The following FBXL17 variants were observed in gnomAD, a reference collection of about 807,000 sequenced individuals.
FBXL17 encodes the protein F-box/LRR-repeat protein 17.
A neutral mutation model predicts 66.2 loss-of-function variants in FBXL17; 22 were observed. The ratio of observed to expected loss-of-function variants is 0.33; its 90% CI spans 0.24 to 0.47. FBXL17 has a LOEUF of 0.47. Ranked by LOEUF, FBXL17 falls within the 20% of genes least tolerant of loss-of-function variation. FBXL17 has a pLI of 1.00. For missense variants in FBXL17, 878 were observed against 948.2 expected (o/e 0.93, Z 0.97); for synonymous variants, 474 against 400.5 (o/e 1.18, Z -2.19).
intron 5 of FBXL17, among the ~76,000 whole-genome samples, chr5:108,192,576 T>C (rs1753510009): frequency 6.6e-6 from 1 of 151,968 alleles, no homozygotes; most frequent in Non-Finnish European, 1.5e-5. Context: ...AGACCTCAAA[T>C]GGGTCAGGAG....
At chr5:108,055,320 C>T (rs867395999) in intron 6 of FBXL17, among the ~76,000 whole-genome samples, 10 of 77,970 alleles carry the variant, frequency 1.3e-4, no homozygotes, top group South Asian at 4.0e-4. Flanking sequence ...AAAAGAAAAA[C>T]GCTTCAGGCC....
At chr5:107,906,010 C>A (rs1466176342) in intron 7 of FBXL17, among the ~76,000 whole-genome samples, 1 of 151,324 alleles carries the variant, frequency 6.6e-6, no homozygotes, top group Non-Finnish European at 1.5e-5. Context: ...TAATATTATG[C>A]CCAAAGAAAC....
intron 6 of FBXL17, among the ~76,000 whole-genome samples, chr5:108,176,682 T>A (rs1297867678): frequency 6.6e-6 from 1 of 152,100 alleles, no homozygotes; most frequent in Non-Finnish European, 1.5e-5. Flanking sequence ...TTAAAGTGAT[T>A]TTACTAGGTT....
intron 7 of FBXL17, among the ~76,000 whole-genome samples, chr5:107,899,011 T>C (rs1749478935): frequency 6.6e-6 from 1 of 152,194 alleles, no homozygotes; most frequent in Non-Finnish European, 1.5e-5. Context: ...AAGTGGTATT[T>C]CTGGTTCTAG....
At chr5:107,948,861 A>G (rs1056310928) in intron 7 of FBXL17, among the ~76,000 whole-genome samples, 1 of 152,226 alleles carries the variant, frequency 6.6e-6, no homozygotes, top group Non-Finnish European at 1.5e-5. Flanking sequence ...CAAGCGCTCA[A>G]TGAGTGTTAA....
intron 7 of FBXL17, among the ~76,000 whole-genome samples, chr5:108,009,927 C>T (rs564629288): frequency 9.1e-4 from 139 of 152,204 alleles, no homozygotes; most frequent in African/African-American, 3.2e-3. Context: ...AGGCTGGCAC[C>T]TTCTACCTCG....
chr5:108,122,613 C>T (rs1467520256), intron 6 of FBXL17, among the ~76,000 whole-genome samples: 1 of 152,012 alleles, frequency 6.6e-6, no homozygotes, highest in East Asian at 1.9e-4. Flanking sequence ...AATTAGAAAA[C>T]CAACATTACA....
intron 5 of FBXL17, among the ~76,000 whole-genome samples, chr5:108,189,947 A>G (rs1580584941): frequency 6.6e-6 from 1 of 152,210 alleles, no homozygotes; most frequent in Non-Finnish European, 1.5e-5. Flanking sequence ...TGAGCTTTAG[A>G]AAGAAATACA....
intron 6 of FBXL17, among the ~76,000 whole-genome samples, chr5:108,124,096 T>C (rs551424354): frequency 1.3e-5 from 2 of 152,266 alleles, no homozygotes; most frequent in Non-Finnish European, 2.9e-5. Context: ...GAAGCATATT[T>C]ACTAATGCCT....
intron 6 of FBXL17, among the ~76,000 whole-genome samples, chr5:108,077,110 C>A (rs1162850888): frequency 6.6e-6 from 1 of 152,120 alleles, no homozygotes; most frequent in Admixed American, 6.5e-5. Context: ...ACAGGTATTG[C>A]AAGCAAAGTC....
intron 4 of FBXL17, among the ~76,000 whole-genome samples, chr5:108,240,384 C>G (rs1051346514): frequency 6.6e-6 from 1 of 151,962 alleles, no homozygotes; most frequent in Admixed American, 6.5e-5. Flanking sequence ...GACTAAAGAG[C>G]CTTTGGTCCT....
intron 6 of FBXL17, among the ~76,000 whole-genome samples, chr5:108,176,937 C>G (rs975579350): frequency 6.6e-6 from 1 of 152,108 alleles, no homozygotes; most frequent in Admixed American, 6.5e-5. Flanking sequence ...AACCCACATA[C>G]TTAAAAAAGT....
intron 3 of FBXL17, 55 bp from the exon 4 acceptor site, chr5:108,348,585 T>C (rs1051772958): frequency 1.3e-6 from 2 of 1,547,658 alleles, no homozygotes; most frequent in Non-Finnish European, 1.8e-6. Context: ...GCAACATATT[T>C]CAAGTGAGAT....
chr5:108,036,455 C>T (rs1228772156), intron 6 of FBXL17, among the ~76,000 whole-genome samples: 1 of 152,164 alleles, frequency 6.6e-6, no homozygotes, highest in East Asian at 1.9e-4. Flanking sequence ...ACATTTGATG[C>T]ACTTTCTTCA....
chr5:108,320,057 G>A (rs920069577), intron 4 of FBXL17, among the ~76,000 whole-genome samples: 1 of 151,776 alleles, frequency 6.6e-6, no homozygotes, highest in South Asian at 2.1e-4. Flanking sequence ...TCCTCCTTTA[G>A]AACATTTAGC....
chr5:108,030,004 C>T (rs1431634212), intron 6 of FBXL17, among the ~76,000 whole-genome samples: 5 of 152,092 alleles, frequency 3.3e-5, no homozygotes, highest in East Asian at 1.9e-4. Context: ...AATGCAAAAA[C>T]TTGGTTATAA....
chr5:108,320,704 T>C (rs1214786789), intron 4 of FBXL17, among the ~76,000 whole-genome samples: 1 of 151,842 alleles, frequency 6.6e-6, no homozygotes, highest in African/African-American at 2.4e-5. Context: ...ACGTAATTGC[T>C]AGATTTGTTA....
intron 8 of FBXL17, among the ~76,000 whole-genome samples, chr5:107,875,568 G>T (rs1048236704): frequency 2.0e-5 from 3 of 152,140 alleles, no homozygotes; most frequent in Non-Finnish European, 4.4e-5. Context: ...CTCCTGGCTC[G>T]AAAGAGCTGA....
At chr5:108,081,949 TTCA>T (rs1223063080) in intron 6 of FBXL17, among the ~76,000 whole-genome samples, 2 of 152,056 alleles carry the variant, frequency 1.3e-5, no homozygotes, top group Non-Finnish European at 1.5e-5. Flanking sequence ...GGGCTGCAAG[TTCA>T]TCAAGAAGGA....
Sources: gnomAD v4.1 joint callset for allele counts (sites outside exome capture counted in the v4.1 genomes callset) on GRCh38, gnomAD v4.1.1 for gene constraint, MANE v1.5 for transcripts, NCBI Gene and HGNC (gene_info 2026-07-23, HGNC 2026-07-21) for gene names.